Variants in FAM13C observed in about 807,000 individuals in gnomAD.
The protein encoded by FAM13C is family with sequence similarity 13 member C.
A neutral mutation model predicts 73.2 loss-of-function variants in FAM13C; 37 were observed. That is an observed-to-expected ratio of 0.51 (90% CI 0.39 to 0.67). FAM13C has a LOEUF of 0.67. Among genes scored for constraint, FAM13C ranks in the 30% least tolerant of loss-of-function variants. The probability of loss-of-function intolerance (pLI) is 0.00; values close to 1 mark genes in which losing one functional copy is unlikely to be tolerated. For synonymous variants in FAM13C, 246 were observed against 260.9 expected (o/e 0.94, Z 0.55); for missense variants, 589 against 715.6 (o/e 0.82, Z 2.02).
At chr10:59,295,702 T>G (rs1227945620) in intron 5 of FAM13C, among the ~76,000 whole-genome samples, 1 of 152,158 alleles carries the variant, frequency 6.6e-6, no homozygotes, top group Non-Finnish European at 1.5e-5. Flanking sequence ...TCTTGGTAAT[T>G]TATTACCCAT....
At position 59,246,445 on chromosome 10, in the gene FAM13C, T is replaced by C. The variant is rs1840717369; in HGVS notation, c.*1169A>G. On this transcript the variant is annotated 3_prime_UTR_variant, in exon 14 of 14. Coordinates refer to ENST00000618804, the MANE Select transcript of FAM13C (RefSeq NM_198215.4). ...GTCAATAGTCTTCCCATCCAAACTA[T>C]AAGAGAATGTGAATTTCTTCAACAT... 5.3e-6 allele frequency: 2 copies of C among 374,112 alleles called. No individual in the cohort carries two copies. Among genetic ancestry groups the C allele is most frequent in the Non-Finnish European group, 9.5e-6 (2 of 210,582 alleles). 23.2% of individuals were successfully genotyped at this position (374,112 alleles called of 1,614,324 possible).
At chr10:59,360,973 G>A (rs1365392008) in intron 1 of FAM13C, 162 of 1,268,746 alleles carry the variant, frequency 1.3e-4, no homozygotes, top group Non-Finnish European at 1.6e-4. Context: ...CCTGAGAATC[G>A]GGGCCAGAAA....
intron 5 of FAM13C, among the ~76,000 whole-genome samples, chr10:59,296,403 A>T (rs981181287): frequency 1.3e-5 from 2 of 152,226 alleles, no homozygotes; most frequent in Non-Finnish European, 2.9e-5. Context: ...TATCTTTGAC[A>T]TTGAGGCTAA....
At chr10:59,329,447 C>T (rs1319249344) in intron 3 of FAM13C, among the ~76,000 whole-genome samples, 5 of 139,266 alleles carry the variant, frequency 3.6e-5, no homozygotes, top group Non-Finnish European at 6.0e-5. Flanking sequence ...GCAAATTCTG[C>T]GTCCCAGGTT....
intron 6 of FAM13C, 154 bp from the exon 7 acceptor site, chr10:59,270,263 A>C (rs1843561984): frequency 2.8e-6 from 2 of 716,988 alleles, no homozygotes; most frequent in East Asian, 5.5e-5. Flanking sequence ...AAATATTGTC[A>C]TGTTTATTCT....
chr10:59,283,609 G>A (rs1381188176), intron 5 of FAM13C, 162 bp from the exon 6 acceptor site: 3 of 707,318 alleles, frequency 4.2e-6, no homozygotes, highest in Non-Finnish European at 7.7e-6. Flanking sequence ...CTGCCTGGCA[G>A]GAAGAGGGTG....
chr10:59,276,051 T>A (rs956797355), intron 6 of FAM13C, among the ~76,000 whole-genome samples: 6 of 152,186 alleles, frequency 3.9e-5, no homozygotes, highest in Non-Finnish European at 8.8e-5. Flanking sequence ...TAATAGTAGA[T>A]AACTTTTCTG....
At chr10:59,340,585 T>G (rs2134171774) in intron 3 of FAM13C, among the ~76,000 whole-genome samples, 1 of 152,266 alleles carries the variant, frequency 6.6e-6, no homozygotes, top group East Asian at 1.9e-4. Flanking sequence ...CTATTCTGCT[T>G]TTTAGCATGA....
At position 59,246,932 on chromosome 10, in the gene FAM13C, T is replaced by C. The variant is rs550806684; in HGVS notation, c.*682A>G. 4.1e-5 allele frequency: 11 copies of C among 267,726 alleles called. 1 individual carries two copies. The South Asian group carries it at 1.7e-3, about 42-fold the overall frequency. 16.6% of individuals were successfully genotyped at this position (267,726 alleles called of 1,614,324 possible). A position where few individuals can be genotyped will look rare whatever the true frequency, so the allele number is the denominator to read the frequency against. On this transcript the variant is annotated 3_prime_UTR_variant, in exon 14 of 14. Transcript: ENST00000618804. ...TTTTAATATAAACATCTGTCAGTTATAGACAAAGATAATAATTCACAAAGT... is the reference window on the plus strand; with the variant it reads ...TTTTAATATAAACATCTGTCAGTTACAGACAAAGATAATAATTCACAAAGT...
chr10:59,328,332 G>A (rs1406875990), intron 3 of FAM13C, among the ~76,000 whole-genome samples: 1 of 152,178 alleles, frequency 6.6e-6, no homozygotes, highest in Non-Finnish European at 1.5e-5. Context: ...CCCTAAACCA[G>A]AATGGTGAAA....
At chr10:59,265,432 G>A (rs1842972795) in intron 8 of FAM13C, among the ~76,000 whole-genome samples, 1 of 147,998 alleles carries the variant, frequency 6.8e-6, no homozygotes, top group African/African-American at 2.5e-5. Context: ...TTGCTAGAAT[G>A]ATGCACTGTA....
chr10:59,247,897 T>G, intron 13 of FAM13C, 160 bp from the exon 14 acceptor site: 1 of 631,420 alleles, frequency 1.6e-6, no homozygotes, highest in Non-Finnish European at 2.6e-6. Flanking sequence ...CACTCCTTCT[T>G]CCATGTGTTA....
chr10:59,250,421 C>T (rs781660135), intron 13 of FAM13C, among the ~76,000 whole-genome samples: 3 of 152,148 alleles, frequency 2.0e-5, no homozygotes, highest in Non-Finnish European at 2.9e-5. Context: ...GGACTTGTAG[C>T]AATCAACTGG....
chr10:59,330,677 C>T (rs373149510), intron 3 of FAM13C, among the ~76,000 whole-genome samples: 4 of 152,072 alleles, frequency 2.6e-5, no homozygotes, highest in African/African-American at 4.8e-5. Flanking sequence ...ATCTAGCTAC[C>T]CCTCTCTAGG....
rs189683669 is a variant in FAM13C, at chr10:59,354,075, T to C, written c.120-1601A>G. 2.0e-4 allele frequency among the ~76,000 whole-genome samples: 30 copies of C among 151,886 alleles called. No homozygotes were observed. The East Asian group carries it at 3.7e-3, about 19-fold the overall frequency. On this transcript the variant is annotated intron_variant, in intron 2 of 13. Transcript: ENST00000618804. ...AAAGAAAGAACAGCTGCCTTTACAG[T>C]TACCTAAATGCCCTCATTCGAGTAG...
At chr10:59,278,375 C>A in intron 6 of FAM13C, among the ~76,000 whole-genome samples, 1 of 152,132 alleles carries the variant, frequency 6.6e-6, no homozygotes, top group East Asian at 1.9e-4. Flanking sequence ...CCACTAATGC[C>A]CAATCCATTC....
chr10:59,331,091 G>A (rs997261153), intron 3 of FAM13C, among the ~76,000 whole-genome samples: 3 of 152,180 alleles, frequency 2.0e-5, no homozygotes, highest in Non-Finnish European at 2.9e-5. Context: ...GCTCTTCCTA[G>A]TTCCTGCCCT....
chr10:59,306,608 T>C (rs1175169963), intron 4 of FAM13C, among the ~76,000 whole-genome samples: 1 of 152,174 alleles, frequency 6.6e-6, no homozygotes, highest in Non-Finnish European at 1.5e-5. Flanking sequence ...GGGCGTTGTG[T>C]CTCATGCCTG....
intron 1 of FAM13C, chr10:59,360,949 G>A: frequency 1.8e-6 from 2 of 1,123,816 alleles, no homozygotes; most frequent in Non-Finnish European, 2.4e-6. Context: ...CCGAGGATTT[G>A]GCCACACCAG....
Sources: allele counts gnomAD v4.1 joint callset (sites outside exome capture counted in the v4.1 genomes callset), GRCh38; gene constraint gnomAD v4.1.1; transcripts MANE v1.5; gene names NCBI Gene and HGNC (gene_info 2026-07-23, HGNC 2026-07-21).